Variants in DMD observed in about 807,000 individuals in gnomAD.
DMD encodes mutant dystrophin.
A neutral mutation model predicts 330.1 loss-of-function variants in DMD; 63 were observed. The observed-to-expected ratio is 0.19, with a 90% CI of 0.16 to 0.24. The LOEUF is 0.24. DMD is among the 10% of genes least tolerant of loss of function. The pLI is 1.00. For synonymous variants in DMD, 1,223 were observed against 959.8 expected (o/e 1.27, Z -5.07); for missense variants, 3,344 against 2,684.1 (o/e 1.25, Z -5.43).
intron 1 of DMD, among the ~76,000 whole-genome samples, chrX:33,040,588 T>A (rs949548166): frequency 9.0e-6 from 1 of 110,677 alleles, no homozygotes; most frequent in Non-Finnish European, 1.9e-5. Flanking sequence ...TCAGTGGAGG[T>A]CTTTGAAGAC....
chrX:31,786,909 G>C (rs1256764578), intron 50 of DMD, among the ~76,000 whole-genome samples: 1 of 111,739 alleles, frequency 8.9e-6, no homozygotes, highest in Non-Finnish European at 1.9e-5. Context: ...CTTATAAATA[G>C]CAACAATACT....
chrX:32,644,367 G>A (rs2146823336), intron 10 of DMD, 54 bp from the exon 11 acceptor site: 1 of 1,142,387 alleles, frequency 8.8e-7, no homozygotes, highest in Non-Finnish European at 1.2e-6. Context: ...AAATCGGTGT[G>A]GTTTTGAGTT....
intron 13 of DMD, among the ~76,000 whole-genome samples, chrX:32,577,418 C>A (rs879099491): frequency 8.9e-6 from 1 of 112,415 alleles, no homozygotes; most frequent in Non-Finnish European, 1.9e-5. Context: ...TAGATGGATT[C>A]TTTTTCAAGA....
At chrX:32,750,737 C>CCTT (rs1232890511) in intron 7 of DMD, among the ~76,000 whole-genome samples, 1 of 111,331 alleles carries the variant, frequency 9.0e-6, no homozygotes, top group Non-Finnish European at 1.9e-5. Context: ...TGATCTCCAC[C>CCTT]CTTCACCTAT....
chrX:31,522,758 A>G (rs2072946219), intron 55 of DMD, among the ~76,000 whole-genome samples: 1 of 111,289 alleles, frequency 9.0e-6, no homozygotes, highest in South Asian at 3.8e-4. Flanking sequence ...TGAGCAGTTT[A>G]ACATAGGCTT....
In DMD at chrX:32,557,451, T is replaced by C. The variant is rs755195288; in HGVS notation, c.1992+8251A>G. The stretch of plus-strand genomic sequence containing the variant: ...GAAATCTGTGCAAAATTAGTCAAAA[T>C]ACACTACACACACACAATCAGGTTG... On this transcript the variant is annotated intron_variant, in intron 16 of 78. Transcript: ENST00000357033. 4.5e-5 allele frequency among the ~76,000 whole-genome samples: 5 copies of C among 112,076 alleles called. No homozygotes were observed. The Admixed American group carries it at 4.7e-4, about 11-fold the overall frequency.
Position 31,389,794 on chromosome X carries a change from T to C in DMD, c.9085-41160A>G, listed in dbSNP as rs375604531. ...TTAAGAATCCTTTGTTTTTCTACCA[T>C]CTGTTTAGTTTAGTCTGTATACATC... On this transcript the variant is annotated intron_variant, in intron 60 of 78. Transcript: ENST00000357033. Among the ~76,000 whole-genome samples the C allele has an allele frequency of 1.1e-4, 12 of 112,349 alleles. No individual in the cohort carries two copies. The East Asian group carries it at 2.5e-3, about 24-fold the overall frequency.
At chrX:32,270,446 C>T (rs1273627908) in intron 43 of DMD, among the ~76,000 whole-genome samples, 1 of 111,525 alleles carries the variant, frequency 9.0e-6, no homozygotes, top group Non-Finnish European at 1.9e-5. Flanking sequence ...TTAATTAATA[C>T]TGTAATAAAA....
chrX:32,299,651 A>G (rs976778424), intron 42 of DMD, among the ~76,000 whole-genome samples: 3 of 110,766 alleles, frequency 2.7e-5, no homozygotes, highest in Non-Finnish European at 5.7e-5. Flanking sequence ...TTCAACTATG[A>G]TATTTAAAAA....
intron 43 of DMD, among the ~76,000 whole-genome samples, chrX:32,252,697 AATATATATAAATATATAAAT>A (rs2097271786): frequency 2.4e-5 from 1 of 41,923 alleles, no homozygotes; most frequent in African/African-American, 9.3e-5. Context: ...TATATATATA[AATATATATAAATATATAAAT>A]ATATATAAAT....
At chrX:32,090,025 A>G (rs1196627265) in intron 44 of DMD, among the ~76,000 whole-genome samples, 5 of 112,231 alleles carry the variant, frequency 4.5e-5, no homozygotes, top group Non-Finnish European at 7.5e-5. Flanking sequence ...AACAATTGGA[A>G]TCTTACAGCT....
At chrX:31,962,971 G>A (rs1490682922) in intron 45 of DMD, among the ~76,000 whole-genome samples, 1 of 111,819 alleles carries the variant, frequency 8.9e-6, no homozygotes, top group Non-Finnish European at 1.9e-5. Context: ...TAAAATATTC[G>A]CTTTTAATTT....
At chrX:32,725,453 T>A (rs1284336805) in intron 7 of DMD, among the ~76,000 whole-genome samples, 1 of 110,941 alleles carries the variant, frequency 9.0e-6, no homozygotes, top group Non-Finnish European at 1.9e-5. Context: ...AAAAAGATAT[T>A]CCATGCCAAT....
intron 47 of DMD, among the ~76,000 whole-genome samples, chrX:31,886,735 T>C (rs1360061104): frequency 9.0e-6 from 1 of 111,366 alleles, no homozygotes; most frequent in Non-Finnish European, 1.9e-5. Context: ...GGGAGTGGGG[T>C]TGGGTGTCGA....
intron 43 of DMD, among the ~76,000 whole-genome samples, chrX:32,280,582 A>C (rs2097416977): frequency 2.7e-5 from 3 of 111,107 alleles, no homozygotes. Flanking sequence ...AGTTGTCAGC[A>C]TCCTGTATGT....
intron 44 of DMD, among the ~76,000 whole-genome samples, chrX:32,057,705 C>A (rs1299883215): frequency 1.8e-5 from 2 of 111,019 alleles, no homozygotes; most frequent in Non-Finnish European, 3.8e-5. Context: ...CTATCATAAT[C>A]CCAATCGCAT....
At chrX:31,238,647 C>T (rs2047962834) in intron 63 of DMD, among the ~76,000 whole-genome samples, 2 of 111,876 alleles carry the variant, frequency 1.8e-5, no homozygotes, top group South Asian at 7.5e-4. Flanking sequence ...CGGTTGCATC[C>T]CAGAGCCTGC....
At chrX:31,303,783 G>A (rs2054828501) in intron 62 of DMD, among the ~76,000 whole-genome samples, 1 of 111,616 alleles carries the variant, frequency 9.0e-6, no homozygotes, top group African/African-American at 3.3e-5. Flanking sequence ...GTATTGACAA[G>A]TTCCCTCCTG....
chrX:31,605,708 C>G lies in DMD; in HGVS notation c.8217+21965G>C, dbSNP rs1025949417. Among the ~76,000 whole-genome samples the G allele has an allele frequency of 3.6e-5, 4 of 110,839 alleles. No homozygotes were observed. The South Asian group carries it at 1.5e-3, about 43-fold the overall frequency. On this transcript the variant is annotated intron_variant, in intron 55 of 78. Transcript: ENST00000357033. ...AAAATGAGCAATGAATGTGGTAATA[C>G]CAGGTACAGATAATTTATGTGTTCT...
Sources: gnomAD v4.1 joint callset for allele counts (sites outside exome capture counted in the v4.1 genomes callset) on GRCh38, gnomAD v4.1.1 for gene constraint, MANE v1.5 for transcripts, NCBI Gene and HGNC (gene_info 2026-07-23, HGNC 2026-07-21) for gene names.